The following TTC7B variants were observed in gnomAD, a reference collection of about 807,000 sequenced individuals.
TTC7B encodes tetratricopeptide repeat protein 7B.
In TTC7B, 28 loss-of-function variants were observed where a neutral mutation model predicts 106.8. The observed-to-expected ratio is 0.26, with a 90% CI of 0.19 to 0.36. The LOEUF is 0.36. Ranked by LOEUF, TTC7B falls within the 10% of genes least tolerant of loss-of-function variation. The probability of loss-of-function intolerance (pLI) is 1.00; values close to 1 mark genes in which losing one functional copy is unlikely to be tolerated. For synonymous variants in TTC7B, 405 were observed against 430.6 expected, an observed-to-expected ratio of 0.94 and a Z score of 0.74; for missense variants, 862 against 1,076.4, an observed-to-expected ratio of 0.80 and a Z score of 2.79.
chr14:90,642,058 G>A (rs768207077), intron 15 of TTC7B, among the ~76,000 whole-genome samples: 10 of 152,070 alleles, frequency 6.6e-5, no homozygotes, highest in Non-Finnish European at 1.2e-4. Flanking sequence ...TTAAAGGATC[G>A]AATATTTTTT....
In TTC7B at chr14:90,635,584, C is replaced by T. The variant is rs147692728; in HGVS notation, c.1751+8464G>A. Among the ~76,000 whole-genome samples, 1,224 of 151,186 alleles carry T rather than the reference C, an allele frequency of 8.1e-3. 18 individuals are homozygous for T. The highest frequency in any genetic ancestry group is 0.028 in the African/African-American group (1,163 of 41,184). On this transcript the variant is annotated intron_variant, in intron 15 of 19. Coordinates refer to ENST00000328459, the MANE Select transcript of TTC7B (RefSeq NM_001010854.2). ...GACCATCCTGGCTAACACAGTGAAA[C>T]CCCATCTCTACTAAAAATACAAAAA...
rs528409898 is a variant in TTC7B at position 90,550,450 on chromosome 14, T to C, written c.2311-8861A>G. The stretch of plus-strand genomic sequence containing the variant: ...AGCTCCTCCTATAACCTGTTGAATA[T>C]GTATACTTGGCCAACCAGTTCCACA... On this transcript the variant is annotated intron_variant, in intron 19 of 19. Coordinates refer to ENST00000328459, the MANE Select transcript of TTC7B (RefSeq NM_001010854.2). Among the ~76,000 whole-genome samples the C allele has an allele frequency of 1.1e-3, 169 of 152,346 alleles. 1 individual carries two copies. The highest frequency in any genetic ancestry group is 3.9e-3 in the African/African-American group (162 of 41,582).
At chr14:90,676,449 T>A (rs956026101) in intron 9 of TTC7B, 74 bp downstream of exon 9, 1 of 1,547,508 alleles carries the variant, frequency 6.5e-7, no homozygotes, top group Non-Finnish European at 8.8e-7. Context: ...GGACCAGGTC[T>A]CACAGCGCTT....
intron 19 of TTC7B, among the ~76,000 whole-genome samples, chr14:90,554,136 C>T (rs775097018): frequency 1.2e-4 from 19 of 152,220 alleles, no homozygotes; most frequent in Non-Finnish European, 2.4e-4. Context: ...GCTGACATAT[C>T]CACAGACTGT....
intron 9 of TTC7B, among the ~76,000 whole-genome samples, chr14:90,671,303 A>G (rs1886623262): frequency 6.6e-6 from 1 of 152,254 alleles, no homozygotes. Context: ...AGTTCTACCC[A>G]CAGAACTATG....
intron 19 of TTC7B, among the ~76,000 whole-genome samples, chr14:90,559,196 C>T (rs1356653276): frequency 6.6e-6 from 1 of 152,254 alleles, no homozygotes; most frequent in Non-Finnish European, 1.5e-5. Context: ...ATGTATGGGT[C>T]AGTTAACAAG....
chr14:90,785,442 A>C (rs1049110368), intron 2 of TTC7B, among the ~76,000 whole-genome samples: 10 of 152,166 alleles, frequency 6.6e-5, no homozygotes, highest in Admixed American at 1.3e-4. Context: ...CGGGCCACAG[A>C]CAGCCATCTG....
intron 7 of TTC7B, among the ~76,000 whole-genome samples, chr14:90,681,791 C>A (rs1467771893): frequency 2.0e-5 from 3 of 152,232 alleles, no homozygotes; most frequent in Admixed American, 2.0e-4. Flanking sequence ...AGATGGGACA[C>A]TTCTTTCCCC....
At chr14:90,708,159 A>AT (rs1566847897) in intron 5 of TTC7B, among the ~76,000 whole-genome samples, 6 of 151,614 alleles carry the variant, frequency 4.0e-5, no homozygotes, top group African/African-American at 1.5e-4. Context: ...AAAAAAAAAA[A>AT]AAAAAAAAAA....
intron 6 of TTC7B, among the ~76,000 whole-genome samples, chr14:90,694,446 T>A (rs1296210074): frequency 1.3e-5 from 2 of 151,990 alleles, no homozygotes; most frequent in African/African-American, 4.8e-5. Flanking sequence ...TGGACAATTC[T>A]GTGAATATGC....
intron 1 of TTC7B, among the ~76,000 whole-genome samples, chr14:90,804,518 T>A (rs759449029): frequency 5.5e-4 from 83 of 151,482 alleles, no homozygotes; most frequent in Non-Finnish European, 1.0e-3. Context: ...GTGGCAGGAG[T>A]TTCCCAGGTG....
chr14:90,622,059 A>C (rs995133583), intron 15 of TTC7B, among the ~76,000 whole-genome samples: 13 of 152,178 alleles, frequency 8.5e-5, no homozygotes, highest in Non-Finnish European at 1.5e-4. Flanking sequence ...CACGATGAAG[A>C]GGGCAGAGGA....
At chr14:90,549,420 G>A (rs1337728893) in intron 19 of TTC7B, among the ~76,000 whole-genome samples, 1 of 152,244 alleles carries the variant, frequency 6.6e-6, no homozygotes, top group African/African-American at 2.4e-5. Context: ...GCAGCTTCTG[G>A]GGTGGAAAGC....
chr14:90,580,793 C>T (rs1891456560), intron 18 of TTC7B, among the ~76,000 whole-genome samples: 1 of 152,214 alleles, frequency 6.6e-6, no homozygotes, highest in Admixed American at 6.5e-5. Flanking sequence ...CTCCTGATAG[C>T]CAGGTCCCTG....
At chr14:90,644,350 T>C (rs1279929783) in intron 14 of TTC7B, 142 bp from the exon 15 acceptor site, 1 of 925,076 alleles carries the variant, frequency 1.1e-6, no homozygotes, top group Non-Finnish European at 1.6e-6. Context: ...TTGTGCCTCA[T>C]TCACATTTTA....
chr14:90,741,237 C>A (rs1889750414), intron 4 of TTC7B, among the ~76,000 whole-genome samples: 6 of 152,124 alleles, frequency 3.9e-5, no homozygotes, highest in Admixed American at 3.9e-4. Flanking sequence ...CAGAACATCC[C>A]AGAACATCAC....
chr14:90,710,752 G>C (rs1888413462), intron 5 of TTC7B, among the ~76,000 whole-genome samples: 1 of 152,146 alleles, frequency 6.6e-6, no homozygotes, highest in Admixed American at 6.5e-5. Context: ...TAGCAATAAA[G>C]TATTTTTTAA....
At chr14:90,751,568 TTTTA>T (rs943196558) in intron 3 of TTC7B, among the ~76,000 whole-genome samples, 4 of 151,964 alleles carry the variant, frequency 2.6e-5, no homozygotes, top group African/African-American at 9.7e-5. Context: ...GCTAATTTCT[TTTTA>T]TTTATTTTTT....
Position 90,528,203 on chromosome 14 carries a change from C to G in TTC7B, c.*13165G>C, listed in dbSNP as rs899360612. On this transcript the variant is annotated 3_prime_UTR_variant, in exon 20 of 20. Transcript: ENST00000328459. ...GCCTCCAATCCCCTGGCTGGCTAAA[C>G]AGCAGCACCAGCTCCTCCTTCTGTC... is the stretch of plus-strand genomic sequence containing the variant. 1 of 152,208 alleles carries G rather than the reference C, an allele frequency of 6.6e-6. No homozygotes were observed. The highest frequency in any genetic ancestry group is 1.5e-5 in the Non-Finnish European group (1 of 68,060). The allele number at this position is 152,208 out of a possible 1,614,324, so 9.4% of individuals were successfully genotyped here.
Sources: allele counts gnomAD v4.1 joint callset (sites outside exome capture counted in the v4.1 genomes callset), GRCh38; gene constraint gnomAD v4.1.1; transcripts MANE v1.5; gene names NCBI Gene and HGNC (gene_info 2026-07-23, HGNC 2026-07-21).